Variants in PLS1 observed in about 807,000 individuals in gnomAD.
PLS1 encodes the protein plastin 1.
PLS1 carries 32 observed loss-of-function variants against 73.7 expected under a neutral mutation model. The observed-to-expected ratio is 0.43, with a 90% CI of 0.33 to 0.58. PLS1 has a LOEUF of 0.58. PLS1 is among the 20% of genes least tolerant of loss of function. PLS1 has a pLI of 0.04. For missense variants in PLS1, 633 were observed against 740.5 expected (o/e 0.85, Z 1.68); for synonymous variants, 217 against 261.3 (o/e 0.83, Z 1.63).
At chr3:142,684,496 CTT>C in intron 8 of PLS1, 101 bp downstream of exon 8, 1 of 929,662 alleles carries the variant, frequency 1.1e-6, no homozygotes. Flanking sequence ...CACAAGAACA[CTT>C]GGGATAGAAA....
intron 1 of PLS1, among the ~76,000 whole-genome samples, chr3:142,628,406 T>C (rs2036480457): frequency 6.6e-6 from 1 of 151,498 alleles, no homozygotes; most frequent in Non-Finnish European, 1.5e-5. Context: ...CATGTGTGCA[T>C]GCATATGTGT....
At chr3:142,682,068 G>A (rs758195612) in intron 6 of PLS1, among the ~76,000 whole-genome samples, 1 of 152,140 alleles carries the variant, frequency 6.6e-6, no homozygotes, top group African/African-American at 2.4e-5. Flanking sequence ...TAGTGTCTTG[G>A]TGCTGGGAAA....
At chr3:142,631,543 C>T (rs932236485) in intron 1 of PLS1, among the ~76,000 whole-genome samples, 1 of 150,304 alleles carries the variant, frequency 6.7e-6, no homozygotes, top group Non-Finnish European at 1.5e-5. Flanking sequence ...TGCCTGTGGT[C>T]CCAGCTACTC....
At position 142,628,365 on chromosome 3, in the gene PLS1, CAT is replaced by C. The variant is rs2036478207; in HGVS notation, c.-37+31857_-37+31858del. Among the ~76,000 whole-genome samples, 3 of 26,150 alleles carry C rather than the reference CAT, an allele frequency of 1.1e-4. No individual in the cohort carries two copies. The African/African-American group carries it at 3.1e-3, about 27-fold the overall frequency. 17.2% of individuals were successfully genotyped at this position (26,150 alleles called of 152,430 possible). On this transcript the variant is annotated intron_variant, in intron 1 of 15. Transcript: ENST00000457734. ...TGCGCGCACATGTGCATGCAGTGTG[CAT>C]GTGTGCGCGCACATGTGCATGCAGT...
intron 12 of PLS1, among the ~76,000 whole-genome samples, chr3:142,700,828 G>A (rs993129149): frequency 6.6e-6 from 1 of 152,204 alleles, no homozygotes; most frequent in Non-Finnish European, 1.5e-5. Flanking sequence ...CCCAGTGGGA[G>A]ATAATTTGAA....
Position 142,671,004 on chromosome 3 carries a change from A to G in PLS1, c.246A>G (p.Glu82=). 6.3e-7 allele frequency: 1 copy of G among 1,596,572 alleles called. No homozygotes were observed. The highest frequency in any genetic ancestry group is 8.6e-7 in the Non-Finnish European group (1 of 1,165,712). ...ATGTTCCATTCCAGCTAATGCAAGA[A>G]TTAAAAAGCAAAGATATCAGCAAAA... is the stretch of plus-strand genomic sequence containing the variant. ...SFEEFVSLMQ[E]LKSKDISKTF... is the part of the protein sequence containing the mutation. Residue 82 remains glutamate, a synonymous_variant, in exon 4 of 16, where the codon GAA becomes GAG. Transcript: ENST00000457734.
chr3:142,600,738 GACC>G (rs1261807758), intron 1 of PLS1, among the ~76,000 whole-genome samples: 2 of 151,092 alleles, frequency 1.3e-5, no homozygotes, highest in East Asian at 3.9e-4. Context: ...CACTGTGGTT[GACC>G]ACCATCTTCA....
chr3:142,695,854 G>A (rs997923926), intron 11 of PLS1, among the ~76,000 whole-genome samples: 1 of 152,020 alleles, frequency 6.6e-6, no homozygotes, highest in Admixed American at 6.6e-5. Context: ...GAGTGCAATG[G>A]TGTGATCTCG....
intron 1 of PLS1, among the ~76,000 whole-genome samples, chr3:142,615,429 C>T (rs1292983999): frequency 1.3e-5 from 2 of 152,144 alleles, no homozygotes; most frequent in Non-Finnish European, 2.9e-5. Context: ...TATTCCCGAT[C>T]ATTCCACAAT....
intron 11 of PLS1, among the ~76,000 whole-genome samples, chr3:142,696,654 G>A (rs868086596): frequency 9.9e-5 from 15 of 150,768 alleles, no homozygotes; most frequent in South Asian, 2.1e-4. Context: ...TGACCAGTTC[G>A]TTCTAGAACT....
At chr3:142,677,821 C>T (rs1362782765) in intron 5 of PLS1, among the ~76,000 whole-genome samples, 1 of 152,082 alleles carries the variant, frequency 6.6e-6, no homozygotes, top group African/African-American at 2.4e-5. Context: ...GATGAGGTCT[C>T]TCTGTTTTAC....
Position 142,689,677 on chromosome 3 carries a change from C to T in PLS1, c.1041C>T (p.Cys347=), listed in dbSNP as rs759201933. The change falls in exon 10 of 16, where the codon TGC becomes TGT. Residue 347 remains cysteine (C), a synonymous_variant. Coordinates refer to ENST00000457734, the MANE Select transcript of PLS1 (RefSeq NM_001145319.2). ...TTCAAGAAGCAGATAAACTGGGCTG[C>T]AAACAGTTTGTTACTCCTGCAGATG... ...LMLQEADKLG[C]KQFVTPADVV... The T allele has an allele frequency of 1.2e-6, 2 of 1,611,264 alleles. No individual in the cohort carries two copies. Among genetic ancestry groups the T allele is most frequent in the Admixed American group, 3.4e-5 (2 of 59,572 alleles).
At chr3:142,695,300 C>A (rs1006542173) in intron 11 of PLS1, among the ~76,000 whole-genome samples, 1 of 152,168 alleles carries the variant, frequency 6.6e-6, no homozygotes, top group African/African-American at 2.4e-5. Context: ...AATGTCACAA[C>A]AGGCCAAGTT....
At chr3:142,667,983 TATTA>T (rs1181797960) in intron 2 of PLS1, among the ~76,000 whole-genome samples, 2 of 152,224 alleles carry the variant, frequency 1.3e-5, no homozygotes, top group African/African-American at 4.8e-5. Context: ...TTCTGAACAG[TATTA>T]ATTCTAAAAC....
At chr3:142,665,564 C>T (rs1041244712) in intron 2 of PLS1, among the ~76,000 whole-genome samples, 10 of 152,038 alleles carry the variant, frequency 6.6e-5, no homozygotes, top group African/African-American at 2.4e-4. Context: ...TCATTCTGAG[C>T]ATTGAAACAG....
intron 1 of PLS1, among the ~76,000 whole-genome samples, chr3:142,644,561 A>T (rs990951932): frequency 6.6e-6 from 1 of 152,078 alleles, no homozygotes; most frequent in African/African-American, 2.4e-5. Context: ...CTTCTTTAGT[A>T]GTTTTTTATT....
chr3:142,641,251 C>T (rs1306684502), intron 1 of PLS1, among the ~76,000 whole-genome samples: 2 of 139,730 alleles, frequency 1.4e-5, no homozygotes, highest in East Asian at 4.0e-4. Context: ...ATCTATATAT[C>T]TCTCTATATA....
Position 142,684,365 on chromosome 3 carries a change from T to C in PLS1, c.858T>C (p.His286=), listed in dbSNP as rs201149368. The C allele has an allele frequency of 1.2e-6, 2 of 1,613,766 alleles. No homozygotes were observed. The highest frequency in any genetic ancestry group is 4.5e-5 in the East Asian group (2 of 44,862). Residue 286 remains histidine (H), a synonymous_variant, in exon 8 of 16, where the codon CAT becomes CAC. Coordinates refer to ENST00000457734, the MANE Select transcript of PLS1 (RefSeq NM_001145319.2). Reference sequence around the variant, plus strand: ...ACCATCTGACCAATGCAGGATGGCATACCATCAGCAACTTCAGCCAAGACA... The same window carrying C: ...ACCATCTGACCAATGCAGGATGGCACACCATCAGCAACTTCAGCCAAGACA... ...VNYHLTNAGW[H]TISNFSQDIK... is the part of the protein sequence containing the mutation.
At chr3:142,620,652 A>G (rs1370232629) in intron 1 of PLS1, among the ~76,000 whole-genome samples, 1 of 152,116 alleles carries the variant, frequency 6.6e-6, no homozygotes, top group Admixed American at 6.5e-5. Context: ...TCAGTTTATT[A>G]TTTTCTAGTA....
Sources: allele counts gnomAD v4.1 joint callset (sites outside exome capture counted in the v4.1 genomes callset), GRCh38; gene constraint gnomAD v4.1.1; transcripts MANE v1.5; gene names NCBI Gene and HGNC (gene_info 2026-07-23, HGNC 2026-07-21).